Variants in ZNF124 observed in about 807,000 individuals in gnomAD.
ZNF124 encodes the protein zinc finger protein 124.
ZNF124 carries 25 observed loss-of-function variants against 26.6 expected under a neutral mutation model. That is an observed-to-expected ratio of 0.94 (90% CI 0.68 to 1.31). The LOEUF is 1.31. Ranked by LOEUF, ZNF124 falls within the 40% of genes most tolerant of loss-of-function variation. The pLI is 0.00. For missense variants in ZNF124, 444 were observed against 422.2 expected (o/e 1.05, Z -0.45); for synonymous variants, 129 against 133.3 (o/e 0.97, Z 0.22).
At chr1:247,141,484 G>A (rs1414098795) in intron 3 of ZNF124, among the ~76,000 whole-genome samples, 3 of 152,072 alleles carry the variant, frequency 2.0e-5, no homozygotes, top group South Asian at 2.1e-4. Flanking sequence ...CTAGTCTCTC[G>A]GTATGGTGGC....
chr1:247,156,770 A>G lies in ZNF124; in HGVS notation c.852T>C (p.His284=), dbSNP rs1175927271. 2.5e-6 allele frequency: 4 copies of G among 1,612,930 alleles called. No homozygotes were observed. Among genetic ancestry groups the G allele is most frequent in the Non-Finnish European group, 3.4e-6 (4 of 1,179,706 alleles). The change falls in exon 4 of 4, where the codon CAT becomes CAC. Residue 284 remains histidine (H), a synonymous_variant. Transcript: ENST00000543802. ...ASSLQKHEKT[H]IAQKPYVCNN... ...TACATACATAGGGTTTCTGTGCAAT[A>G]TGAGTTTTCTCGTGTTTCTGAAGGG...
At position 247,157,317 on chromosome 1, in the gene ZNF124, GT is replaced by G; in HGVS notation, c.304del (p.Thr102LeufsTer13). ...KPCTCKQCQK[T>X]SLSVTRVHRD... ...GTGAACCCTTGTGACAGAAAGGGAA[GT>G]TTTCTGACATTGTTTACATGTACAT... On this transcript the variant is annotated frameshift_variant, in exon 4 of 4. Transcript: ENST00000543802. LOFTEE classifies it high-confidence loss of function. The G allele has an allele frequency of 1.3e-6, 2 of 1,584,480 alleles. No individual in the cohort carries two copies. Among genetic ancestry groups the G allele is most frequent in the Non-Finnish European group, 1.7e-6 (2 of 1,163,412 alleles).
intron 3 of ZNF124, among the ~76,000 whole-genome samples, chr1:247,131,201 C>G (rs1197797924): frequency 6.6e-6 from 1 of 152,196 alleles, no homozygotes; most frequent in Non-Finnish European, 1.5e-5. Context: ...TGCGGCCCAC[C>G]TGAGAGCCAG....
intron 1 of ZNF124, among the ~76,000 whole-genome samples, chr1:247,171,082 T>TGACC (rs200525973): frequency 0.065 from 1,109 of 17,052 alleles, 30 homozygotes; most frequent in African/African-American, 0.16. Context: ...AAAGAAAACT[T>TGACC]AACCCCAAAT....
At chr1:247,147,338 T>G (rs541722415) in intron 3 of ZNF124, among the ~76,000 whole-genome samples, 66 of 151,876 alleles carry the variant, frequency 4.3e-4, no homozygotes, top group Non-Finnish European at 8.1e-4. Flanking sequence ...GCCATTCTCC[T>G]GCCTCAGCCT....
intron 3 of ZNF124, among the ~76,000 whole-genome samples, chr1:247,142,888 A>G (rs886330905): frequency 6.6e-6 from 1 of 150,772 alleles, no homozygotes; most frequent in Admixed American, 6.6e-5. Context: ...CACTGGGATC[A>G]TGGAATATTT....
downstream of ZNF124, among the ~76,000 whole-genome samples, chr1:247,151,678 CAT>C (rs1045063878): frequency 4.6e-5 from 7 of 152,268 alleles, no homozygotes; most frequent in South Asian, 2.1e-4. Flanking sequence ...GAAATTTGTA[CAT>C]GTTTCACCAA....
Position 247,156,091 on chromosome 1 carries a change from A to T in ZNF124, c.*475T>A. On this transcript the variant is annotated 3_prime_UTR_variant, in exon 4 of 4. Transcript: ENST00000543802. ...GGATTTATTTCCAGTGGGAGTTTTC[A>T]CATGACCTTTAAAGTAATTGTTAAA... The T allele has an allele frequency of 2.0e-6, 2 of 981,340 alleles. No homozygotes were observed. The highest frequency in any genetic ancestry group is 2.4e-6 in the Non-Finnish European group (2 of 826,142). The allele number at this position is 981,340 out of a possible 1,614,324, so 60.8% of individuals were successfully genotyped here. A position where few individuals can be genotyped will look rare whatever the true frequency, so the allele number is the denominator to read the frequency against.
intron 3 of ZNF124, among the ~76,000 whole-genome samples, chr1:247,134,467 C>A (rs1401007743): frequency 2.0e-5 from 3 of 151,968 alleles, no homozygotes; most frequent in Non-Finnish European, 4.4e-5. Flanking sequence ...TAGTCTCTGA[C>A]AAAACAGACT....
chr1:247,125,522 TC>T (rs1398173088), intron 3 of ZNF124, among the ~76,000 whole-genome samples: 1 of 140,084 alleles, frequency 7.1e-6, no homozygotes, highest in Non-Finnish European at 1.5e-5. Context: ...ACCTCTGCCT[TC>T]CCGTTTCAAG....
chr1:247,165,936 A>C (rs114705235), intron 1 of ZNF124, among the ~76,000 whole-genome samples: 3,891 of 152,270 alleles, frequency 0.026, 178 homozygotes, highest in African/African-American at 0.089. Flanking sequence ...CCAGCAGTTC[A>C]GGAGGTTGAG....
intron 3 of ZNF124, among the ~76,000 whole-genome samples, chr1:247,124,105 G>C (rs903060814): frequency 1.0e-3 from 156 of 152,180 alleles, no homozygotes; most frequent in Middle Eastern, 6.8e-3. Flanking sequence ...TGGGATTACA[G>C]GCGTGAGCCA....
chr1:247,157,950 T>TA (rs59505413), intron 3 of ZNF124, among the ~76,000 whole-genome samples: 9,221 of 141,134 alleles, frequency 0.065, 846 homozygotes, highest in African/African-American at 0.19. Context: ...ATCCGATTGT[T>TA]AAAAAAAAAA....
intron 1 of ZNF124, among the ~76,000 whole-genome samples, chr1:247,162,058 A>G (rs1673509425): frequency 6.6e-6 from 1 of 152,192 alleles, no homozygotes; most frequent in Non-Finnish European, 1.5e-5. Flanking sequence ...TTTTCAGACA[A>G]GCAACTACTA....
chr1:247,155,220 T>TA lies in ZNF124; in HGVS notation c.*1345dup, dbSNP rs1673059118. ...TACTCTATAATAAACTTTACATACTTACAAATTGACAGCAACTCTATTAGC... is the reference window on the plus strand; with the variant it reads ...TACTCTATAATAAACTTTACATACTTAACAAATTGACAGCAACTCTATTAGC... On this transcript the variant is annotated 3_prime_UTR_variant, in exon 4 of 4. Coordinates refer to ENST00000543802, the MANE Select transcript of ZNF124 (RefSeq NM_001297568.2). Among the ~76,000 whole-genome samples, 1 of 152,152 alleles carries TA rather than the reference T, an allele frequency of 6.6e-6. No individual in the cohort carries two copies. Among genetic ancestry groups the TA allele is most frequent in the African/African-American group, 2.4e-5 (1 of 41,404 alleles).
Position 247,156,254 on chromosome 1 carries a change from T to C in ZNF124, c.*312A>G. 4.7e-6 allele frequency: 5 copies of C among 1,059,062 alleles called. No individual in the cohort carries two copies. Among genetic ancestry groups the C allele is most frequent in the Non-Finnish European group, 5.7e-6 (5 of 879,436 alleles). 65.6% of individuals were successfully genotyped at this position (1,059,062 alleles called of 1,614,324 possible). A position where few individuals can be genotyped will look rare whatever the true frequency, so the allele number is the denominator to read the frequency against. On this transcript the variant is annotated 3_prime_UTR_variant, in exon 4 of 4. Coordinates refer to ENST00000543802, the MANE Select transcript of ZNF124 (RefSeq NM_001297568.2). Reference sequence around the variant, plus strand: ...GAAGGCATTCTCACATTCGATACCTTCATAAAGTTTTTCTCTAGAATGAGT... The same window carrying C: ...GAAGGCATTCTCACATTCGATACCTCCATAAAGTTTTTCTCTAGAATGAGT...
intron 3 of ZNF124, among the ~76,000 whole-genome samples, chr1:247,145,244 G>A (rs1358706152): frequency 1.3e-5 from 2 of 152,130 alleles, no homozygotes; most frequent in African/African-American, 4.8e-5. Context: ...TCAGGAGAAG[G>A]AAAAGATGGT....
intron 3 of ZNF124, among the ~76,000 whole-genome samples, chr1:247,133,303 A>G (rs1672412511): frequency 1.3e-5 from 2 of 152,212 alleles, no homozygotes; most frequent in South Asian, 4.1e-4. Flanking sequence ...AAAAGACTGA[A>G]CTTATGATTG....
At position 247,156,020 on chromosome 1, in the gene ZNF124, A is replaced by C; in HGVS notation, c.*546T>G. On this transcript the variant is annotated 3_prime_UTR_variant, in exon 4 of 4. Coordinates refer to ENST00000543802, the MANE Select transcript of ZNF124 (RefSeq NM_001297568.2). ...CATAGTGAATTTTCTTGAGAATTGT[A>C]CTATAATTATTTTCCATAAGGTTTT... The C allele has an allele frequency of 1.0e-6, 1 of 955,286 alleles. No homozygotes were observed. 59.2% of individuals were successfully genotyped at this position (955,286 alleles called of 1,614,324 possible).
Sources: gnomAD v4.1 joint callset for allele counts (sites outside exome capture counted in the v4.1 genomes callset) on GRCh38, gnomAD v4.1.1 for gene constraint, MANE v1.5 for transcripts, NCBI Gene and HGNC (gene_info 2026-07-23, HGNC 2026-07-21) for gene names.